The following MYO1D variants were observed in gnomAD, a reference collection of about 807,000 sequenced individuals.
MYO1D encodes unconventional myosin-Id.
MYO1D carries 83 observed loss-of-function variants against 122.0 expected under a neutral mutation model. That is an observed-to-expected ratio of 0.68 (90% confidence interval 0.57 to 0.82). The LOEUF is 0.82. MYO1D is among the 40% of genes least tolerant of loss of function. MYO1D has a pLI of 0.00. For synonymous variants in MYO1D, 464 were observed against 446.9 expected (o/e 1.04, Z -0.48); for missense variants, 1,157 against 1,269.5 (o/e 0.91, Z 1.35).
chr17:32,603,098 C>G (rs892034104), intron 21 of MYO1D, among the ~76,000 whole-genome samples: 3 of 151,186 alleles, frequency 2.0e-5, no homozygotes, highest in Non-Finnish European at 4.4e-5. Context: ...CAAAAAATTC[C>G]TAGCATCTTG....
intron 19 of MYO1D, among the ~76,000 whole-genome samples, chr17:32,646,592 A>C (rs1017131571): frequency 3.9e-5 from 6 of 152,204 alleles, no homozygotes; most frequent in African/African-American, 1.4e-4. Context: ...TCATAAGGTC[A>C]TTCCAGAGTC....
rs397971659 is a variant in MYO1D at position 32,784,446 on chromosome 17, C to CT, written c.96-3663dup. Among the ~76,000 whole-genome samples the CT allele has an allele frequency of 3.5e-3, 519 of 148,916 alleles. 5 individuals carry two copies. The highest frequency in any genetic ancestry group is 0.011 in the African/African-American group (444 of 40,654). ...AGTTTTATGGTCTTTGCTCTGTTAC[C>CT]TTTTTTTTTTCCTTTTTAGAACTTC... On this transcript the variant is annotated intron_variant, in intron 1 of 21. Transcript: ENST00000318217.
chr17:32,837,086 C>A (rs1420384335), intron 1 of MYO1D, among the ~76,000 whole-genome samples: 1 of 151,920 alleles, frequency 6.6e-6, no homozygotes, highest in Non-Finnish European at 1.5e-5. Flanking sequence ...TGAATCCTCA[C>A]CAATATTTGA....
chr17:32,657,512 T>C (rs564896887), intron 17 of MYO1D, among the ~76,000 whole-genome samples: 20 of 152,364 alleles, frequency 1.3e-4, no homozygotes, highest in African/African-American at 4.8e-4. Context: ...CAGAAAAAGT[T>C]TGCAGAACCC....
chr17:32,623,123 G>A (rs2087874659), intron 20 of MYO1D, among the ~76,000 whole-genome samples: 1 of 152,126 alleles, frequency 6.6e-6, no homozygotes, highest in Middle Eastern at 3.2e-3. Context: ...AGCCAAAGTA[G>A]TAGTTCAGCT....
At chr17:32,657,352 A>G (rs1445486551) in intron 17 of MYO1D, among the ~76,000 whole-genome samples, 2 of 152,264 alleles carry the variant, frequency 1.3e-5, no homozygotes, top group African/African-American at 2.4e-5. Flanking sequence ...GCCTGTGCCA[A>G]ATCTGGCCAA....
chr17:32,856,007 C>A (rs1203001874), intron 1 of MYO1D, among the ~76,000 whole-genome samples: 1 of 152,162 alleles, frequency 6.6e-6, no homozygotes, highest in Non-Finnish European at 1.5e-5. Flanking sequence ...ATTATAATGA[C>A]GGTACCGAAT....
At chr17:32,571,466 C>T (rs2087226922) in intron 21 of MYO1D, among the ~76,000 whole-genome samples, 1 of 152,086 alleles carries the variant, frequency 6.6e-6, no homozygotes, top group African/African-American at 2.4e-5. Context: ...CTAAATTTGC[C>T]ATATGGCCTA....
chr17:32,746,076 A>G (rs575368701), intron 12 of MYO1D, among the ~76,000 whole-genome samples: 1 of 152,294 alleles, frequency 6.6e-6, no homozygotes, highest in Non-Finnish European at 1.5e-5. Context: ...TTCTCTCTTG[A>G]CAATCAGATC....
At chr17:32,531,874 T>C (rs144027108) in intron 21 of MYO1D, among the ~76,000 whole-genome samples, 23 of 152,366 alleles carry the variant, frequency 1.5e-4, no homozygotes, top group African/African-American at 5.5e-4. Flanking sequence ...TAGAGTATTA[T>C]GTGTCACTTT....
intron 21 of MYO1D, among the ~76,000 whole-genome samples, chr17:32,597,541 T>G (rs2087509007): frequency 6.6e-6 from 1 of 152,250 alleles, no homozygotes; most frequent in Admixed American, 6.5e-5. Context: ...TAAATAGAGA[T>G]ATATCTACCT....
Position 32,748,928 on chromosome 17 carries a change from A to G in MYO1D, c.1538+8T>C. 1 of 1,609,934 alleles carries G rather than the reference A, an allele frequency of 6.2e-7. No homozygotes were observed. On this transcript the variant is annotated splice_region_variant and intron_variant, in intron 12 of 21. Coordinates refer to ENST00000318217, the MANE Select transcript of MYO1D (RefSeq NM_015194.3). ...AAATCATGGTAGGTACCAAGGTAAG[A>G]TACTCACACTACATCGCCTGCATAA...
intron 21 of MYO1D, among the ~76,000 whole-genome samples, chr17:32,544,511 A>T (rs373820587): frequency 2.0e-5 from 3 of 152,184 alleles, no homozygotes; most frequent in South Asian, 2.1e-4. Flanking sequence ...ATCTCCAAAA[A>T]TGAGTAGGAT....
chr17:32,568,689 C>A (rs2150894394), intron 21 of MYO1D, among the ~76,000 whole-genome samples: 1 of 152,310 alleles, frequency 6.6e-6, no homozygotes, highest in African/African-American at 2.4e-5. Context: ...AGGTCCTTGG[C>A]AATCTGAACT....
chr17:32,770,182 T>C (rs2090099128), intron 6 of MYO1D, among the ~76,000 whole-genome samples: 1 of 152,366 alleles, frequency 6.6e-6, no homozygotes, highest in African/African-American at 2.4e-5. Flanking sequence ...CATTAATTTC[T>C]ATGCACAGCA....
At chr17:32,531,780 C>T (rs1567879394) in intron 21 of MYO1D, among the ~76,000 whole-genome samples, 1 of 152,204 alleles carries the variant, frequency 6.6e-6, no homozygotes, top group Admixed American at 6.5e-5. Context: ...AAAGCATGAT[C>T]AGCATGGGGA....
chr17:32,691,527 C>T (rs577983967), intron 16 of MYO1D, among the ~76,000 whole-genome samples: 21 of 151,746 alleles, frequency 1.4e-4, no homozygotes, highest in African/African-American at 5.1e-4. Flanking sequence ...CTGCCTCAGC[C>T]TCCCGAGTTG....
At chr17:32,706,212 T>C (rs1390290216) in intron 16 of MYO1D, among the ~76,000 whole-genome samples, 4 of 152,134 alleles carry the variant, frequency 2.6e-5, no homozygotes, top group African/African-American at 7.2e-5. Flanking sequence ...GTTCAAGCAA[T>C]TCTCGTTCTT....
At chr17:32,675,261 T>C (rs2088790817) in intron 16 of MYO1D, among the ~76,000 whole-genome samples, 1 of 152,214 alleles carries the variant, frequency 6.6e-6, no homozygotes, top group African/African-American at 2.4e-5. Context: ...AATGTCACTG[T>C]TATAGAGAAA....
Sources: gnomAD v4.1 joint callset for allele counts (sites outside exome capture counted in the v4.1 genomes callset) on GRCh38, gnomAD v4.1.1 for gene constraint, MANE v1.5 for transcripts, NCBI Gene and HGNC (gene_info 2026-07-23, HGNC 2026-07-21) for gene names.